The following TRERF1 variants were observed in gnomAD, a reference collection of about 807,000 sequenced individuals.
The protein encoded by TRERF1 is transcriptional-regulating factor 1.
TRERF1 carries 27 observed loss-of-function variants against 122.9 expected under a neutral mutation model. That is an observed-to-expected ratio of 0.22 (90% CI 0.16 to 0.30). TRERF1 has a LOEUF of 0.30. TRERF1 is among the 10% of genes least tolerant of loss of function. TRERF1 has a pLI of 1.00. For missense variants in TRERF1, 1,248 were observed against 1,560.3 expected (o/e 0.80, Z 3.37); for synonymous variants, 636 against 641.7 (o/e 0.99, Z 0.13).
At chr6:42,444,904 T>C (rs1285744867) in intron 2 of TRERF1, among the ~76,000 whole-genome samples, 4 of 152,154 alleles carry the variant, frequency 2.6e-5, no homozygotes, top group Non-Finnish European at 4.4e-5. Flanking sequence ...CCCAACTCTC[T>C]CCAGTCGTGG....
intron 4 of TRERF1, among the ~76,000 whole-genome samples, chr6:42,287,307 G>A (rs1042720277): frequency 5.0e-4 from 72 of 144,056 alleles, no homozygotes; most frequent in African/African-American, 1.0e-3. Context: ...AAAAAAAAAA[G>A]AAAAGGATGG....
chr6:42,237,651 A>G (rs181543480), intron 15 of TRERF1, among the ~76,000 whole-genome samples: 1 of 152,326 alleles, frequency 6.6e-6, no homozygotes, highest in East Asian at 1.9e-4. Context: ...TGACAGTGAT[A>G]TAAGTCTGGG....
Position 42,268,161 on chromosome 6 carries a change from C to T in TRERF1, c.1430G>A (p.Trp477Ter). Residue 477 changes from tryptophan to a stop codon, truncating the protein, a stop_gained, in exon 5 of 18, where the codon TGG becomes TAG. Transcript: ENST00000372922. LOFTEE classifies it high-confidence loss of function. This position sits in a 1 kb window ranked among gnomAD's most constrained non-coding sequence, Gnocchi z 4.4. The stretch of plus-strand genomic sequence containing the variant: ...CTTCCAATGGGAGAATACCTGGGGC[C>T]ACATGGCACTGGGAGACAGCTGCTG... 1 of 1,448,442 alleles carries T rather than the reference C, an allele frequency of 6.9e-7. No homozygotes were observed. Among genetic ancestry groups the T allele is most frequent in the Non-Finnish European group, 9.1e-7 (1 of 1,098,856 alleles). The allele number at this position is 1,448,442 out of a possible 1,614,324, so 89.7% of individuals were successfully genotyped here. A position where few individuals can be genotyped will look rare whatever the true frequency, so the allele number is the denominator to read the frequency against.
Position 42,269,427 on chromosome 6 carries a change from G to C in TRERF1, c.164C>G (p.Pro55Arg), listed in dbSNP as rs1561876057. The C allele has an allele frequency of 6.2e-7, 1 of 1,614,238 alleles. No homozygotes were observed. Among genetic ancestry groups the C allele is most frequent in the Non-Finnish European group, 8.5e-7 (1 of 1,180,048 alleles). Residue 55 changes from proline (P) to arginine (R), a missense_variant, in exon 5 of 18, where the codon CCC (proline) becomes CGC (arginine). Around this residue, in one of 5 missense-constraint regions of TRERF1, gnomAD observed 946 missense variants for 1,073.0 expected, o/e 0.88. Transcript: ENST00000372922. This position sits in a 1 kb window ranked among gnomAD's most constrained non-coding sequence, Gnocchi z 4.9. ...ATCCCGTGTATCTTGAGGGAAGTGG[G>C]GGGAGATTGGCGAGGCCTGAGGGGC... is the stretch of plus-strand genomic sequence containing the variant.
rs971119028 is a variant in TRERF1 at position 42,269,652 on chromosome 6, C to G, written c.-62G>C. 6.4e-6 allele frequency: 10 copies of G among 1,554,404 alleles called. No homozygotes were observed. Among genetic ancestry groups the G allele is most frequent in the Non-Finnish European group, 8.7e-6 (10 of 1,150,342 alleles). ...CCATAAAAAAGGTAAATAAAACAAA[C>G]CCAAAAGGACTGAAACCCTGAGAAG... On this transcript the variant is annotated 5_prime_UTR_variant, in exon 5 of 18. Coordinates refer to ENST00000372922, the Ensembl canonical transcript of TRERF1. The surrounding 1 kb of genome is among the most constrained non-coding windows in gnomAD (Gnocchi z 4.9).
intron 12 of TRERF1, 106 bp downstream of exon 12, chr6:42,256,622 C>T (rs547904102): frequency 9.4e-5 from 86 of 917,284 alleles, no homozygotes; most frequent in Admixed American, 3.4e-4. Flanking sequence ...GGTCATCATG[C>T]GCCGATTGGT....
In TRERF1 at chr6:42,269,411, A is replaced by G. The variant is rs1437528185; in HGVS notation, c.180T>C (p.Asp60=). 6.2e-7 allele frequency: 1 copy of G among 1,614,188 alleles called. No individual in the cohort carries two copies. Among genetic ancestry groups the G allele is most frequent in the Admixed American group, 1.7e-5 (1 of 60,014 alleles). The change falls in exon 5 of 18, where the codon GAT becomes GAC. Residue 60 remains aspartate, a synonymous_variant. Transcript: ENST00000372922. This position sits in a 1 kb window ranked among gnomAD's most constrained non-coding sequence, Gnocchi z 4.9. ...CAGGCAAGCCCAGACCATCCCGTGTATCTTGAGGGAAGTGGGGGGAGATTG... is the reference window on the plus strand; with the variant it reads ...CAGGCAAGCCCAGACCATCCCGTGTGTCTTGAGGGAAGTGGGGGGAGATTG...
At chr6:42,405,681 G>A (rs142836990) in intron 2 of TRERF1, among the ~76,000 whole-genome samples, 1,834 of 152,030 alleles carry the variant, frequency 0.012, 32 homozygotes, top group African/African-American at 0.041. Context: ...TGTAGTCCCA[G>A]CTACTTGGGA....
chr6:42,326,798 G>T (rs2150523192), intron 3 of TRERF1, among the ~76,000 whole-genome samples: 1 of 152,320 alleles, frequency 6.6e-6, no homozygotes, highest in Non-Finnish European at 1.5e-5. Context: ...TGTTGGAACT[G>T]TTGAAAATTA....
chr6:42,255,033 G>T, intron 12 of TRERF1, 107 bp from the exon 13 acceptor site: 2 of 1,125,866 alleles, frequency 1.8e-6, no homozygotes, highest in South Asian at 1.3e-5. Flanking sequence ...GGAGGTCAGG[G>T]GCGGGGGCAC....
chr6:42,330,522 A>G (rs1399459924), intron 3 of TRERF1, among the ~76,000 whole-genome samples: 1 of 152,252 alleles, frequency 6.6e-6, no homozygotes, highest in African/African-American at 2.4e-5. Context: ...CAAATTAGTT[A>G]TCATATTTAT....
At chr6:42,312,663 C>T (rs777544548) in intron 3 of TRERF1, among the ~76,000 whole-genome samples, 3 of 152,150 alleles carry the variant, frequency 2.0e-5, no homozygotes, top group South Asian at 2.1e-4. Context: ...CCATCCTCCA[C>T]GGGCATATGG....
Position 42,232,469 on chromosome 6 carries a change from T to C in TRERF1, c.3278+212A>G, listed in dbSNP as rs1770754827. Among the ~76,000 whole-genome samples the C allele has an allele frequency of 6.6e-6, 1 of 152,150 alleles. No individual in the cohort carries two copies. Among genetic ancestry groups the C allele is most frequent in the African/African-American group, 2.4e-5 (1 of 41,418 alleles). The stretch of plus-strand genomic sequence containing the variant: ...AACTTACAGGTTCACTCTCTGAAGA[T>C]ATCCATCCTTACAAGGCTCTAAGAT... On this transcript the variant is annotated intron_variant, in intron 17 of 17. Transcript: ENST00000372922. The surrounding 1 kb of genome is among the most constrained non-coding windows in gnomAD (Gnocchi z 4.5).
chr6:42,341,655 G>GCC (rs898157305), intron 3 of TRERF1, among the ~76,000 whole-genome samples: 1 of 152,086 alleles, frequency 6.6e-6, no homozygotes, highest in African/African-American at 2.4e-5. Flanking sequence ...TGATGCCAAG[G>GCC]CCCCAGGTCT....
intron 2 of TRERF1, among the ~76,000 whole-genome samples, chr6:42,411,290 C>T (rs995325442): frequency 1.3e-5 from 2 of 152,198 alleles, no homozygotes; most frequent in Non-Finnish European, 2.9e-5. Flanking sequence ...CTGTCTCATA[C>T]ATAAAGAAAC....
In TRERF1 at chr6:42,299,116, C is replaced by CTGTCTGTCTGTCTGTATCTATCTATCTA. The variant is rs10627056; in HGVS notation, c.-259+1521_-259+1522insTAGATAGATAGATACAGACAGACAGACA. Among the ~76,000 whole-genome samples the CTGTCTGTCTGTCTGTATCTATCTATCTA allele has an allele frequency of 1.2e-3, 164 of 141,788 alleles. 3 individuals are homozygous for CTGTCTGTCTGTCTGTATCTATCTATCTA. The highest frequency in any genetic ancestry group is 4.2e-3 in the African/African-American group (159 of 37,486). The allele number at this position is 141,788 out of a possible 152,430, so 93.0% of individuals were successfully genotyped here. The stretch of plus-strand genomic sequence containing the variant: ...TCTATCTGTCTGTCTGTCTGTCTGT[C>CTGTCTGTCTGTCTGTATCTATCTATCTA]TCTATCTATCTATCTATCTACATAT... On this transcript the variant is annotated intron_variant, in intron 4 of 17. Transcript: ENST00000372922.
intron 2 of TRERF1, among the ~76,000 whole-genome samples, chr6:42,398,082 A>G (rs1037426327): frequency 3.9e-5 from 6 of 152,360 alleles, no homozygotes; most frequent in South Asian, 2.1e-4. Flanking sequence ...GTGATAAGTC[A>G]GTAGGATGGG....
rs1774823627 is a variant in TRERF1 at position 42,246,484 on chromosome 6, C to T, written c.2717G>A (p.Ser906Asn). The change falls in exon 14 of 18, where the codon AGC (serine) becomes AAC (asparagine). Residue 906 changes from serine (S) to asparagine (N), a missense_variant. By Grantham distance (46) the Ser-to-Asn change is conservative. Transcript: ENST00000372922. ...CTTCTGTACAAAAATAAAGTCTTTG[C>T]TGTAAGTGGCTAGTGCTTTGTTAAA... is the stretch of plus-strand genomic sequence containing the variant. 3 of 1,596,316 alleles carry T rather than the reference C, an allele frequency of 1.9e-6. No homozygotes were observed.
At chr6:42,355,501 C>T (rs1344960010) in intron 3 of TRERF1, among the ~76,000 whole-genome samples, 2 of 152,172 alleles carry the variant, frequency 1.3e-5, no homozygotes, top group Non-Finnish European at 2.9e-5. Flanking sequence ...TATAGATCCT[C>T]CCTCTGGGGA....
Sources: allele counts gnomAD v4.1 joint callset (sites outside exome capture counted in the v4.1 genomes callset), GRCh38; gene constraint gnomAD v4.1.1; regional missense constraint gnomAD v4.1.1; non-coding constraint Gnocchi (gnomAD v3.1); transcripts MANE v1.5; gene names NCBI Gene and HGNC (gene_info 2026-07-23, HGNC 2026-07-21).